The following VPS50 variants were observed in gnomAD, a reference collection of about 807,000 sequenced individuals.
VPS50 encodes VPS50 subunit of EARP/GARPII complex, also known as syndetin.
In VPS50, 70 loss-of-function variants were observed where a neutral mutation model predicts 139.7. The ratio of observed to expected loss-of-function variants is 0.50; its 90% CI spans 0.41 to 0.61. The LOEUF is 0.61. Ranked by LOEUF, VPS50 falls within the 20% of genes least tolerant of loss-of-function variation. VPS50 has a pLI of 0.00. For synonymous variants in VPS50, 365 were observed against 376.7 expected (o/e 0.97, Z 0.36); for missense variants, 921 against 1,133.7 (o/e 0.81, Z 2.69).
At chr7:93,341,926 A>T (rs1193215072) in intron 23 of VPS50, among the ~76,000 whole-genome samples, 1 of 152,178 alleles carries the variant, frequency 6.6e-6, no homozygotes, top group Non-Finnish European at 1.5e-5. Flanking sequence ...ATTTAGTGTT[A>T]AGTATAGTTG....
At chr7:93,261,374 G>A (rs1584399865) in intron 9 of VPS50, among the ~76,000 whole-genome samples, 1 of 152,010 alleles carries the variant, frequency 6.6e-6, no homozygotes, top group African/African-American at 2.4e-5. Flanking sequence ...ATTAAAGTAG[G>A]CACCCATAAA....
chr7:93,258,361 G>C lies in VPS50; in HGVS notation c.545G>C (p.Arg182Thr), dbSNP rs1470719553. 6.2e-7 allele frequency: 1 copy of C among 1,612,914 alleles called. No individual in the cohort carries two copies. The highest frequency in any genetic ancestry group is 8.5e-7 in the Non-Finnish European group (1 of 1,179,218). The change falls in exon 8 of 28, where the codon AGA (arginine) becomes ACA (threonine). Residue 182 changes from arginine (R) to threonine (T), a missense_variant. By Grantham distance (71) the Arg-to-Thr change is moderately conservative. Coordinates refer to ENST00000305866, the MANE Select transcript of VPS50 (RefSeq NM_017667.4). Reference sequence around the variant, plus strand: ...CTTTGATTTTTGTTTTTTCAGCAAAGAACAGATGTACGGTTAAGTGAAATG... The same window carrying C: ...CTTTGATTTTTGTTTTTTCAGCAAACAACAGATGTACGGTTAAGTGAAATG... ...KSLRTIKTLQ[R>T]TDVRLSEMLE... is the part of the protein sequence containing the mutation.
chr7:93,261,416 G>A (rs1011635952), intron 9 of VPS50, among the ~76,000 whole-genome samples: 2 of 152,158 alleles, frequency 1.3e-5, no homozygotes, highest in African/African-American at 4.8e-5. Context: ...GGTGGCTCAC[G>A]CTTGTAATCC....
intron 2 of VPS50, chr7:93,246,164 A>G: frequency 7.6e-7 from 1 of 1,318,766 alleles, no homozygotes; most frequent in Non-Finnish European, 1.1e-6. Context: ...CTATAACAGA[A>G]TAGATTTTTT....
At chr7:93,305,289 A>T (rs1289533994) in intron 17 of VPS50, among the ~76,000 whole-genome samples, 1 of 151,902 alleles carries the variant, frequency 6.6e-6, no homozygotes, top group Non-Finnish European at 1.5e-5. Flanking sequence ...ACATCATATG[A>T]CTTTGGCATA....
intron 21 of VPS50, 38 bp downstream of exon 21, chr7:93,323,770 A>G (rs773314749): frequency 1.7e-6 from 2 of 1,170,804 alleles, no homozygotes; most frequent in East Asian, 3.0e-5. Flanking sequence ...TCTTTCTTTT[A>G]AAATTTATTT....
At chr7:93,267,983 G>A (rs1457769951) in intron 9 of VPS50, among the ~76,000 whole-genome samples, 1 of 152,186 alleles carries the variant, frequency 6.6e-6, no homozygotes, top group Non-Finnish European at 1.5e-5. Context: ...GGAGATTAAT[G>A]TGGTTTTATT....
chr7:93,322,865 C>G (rs1332535401), intron 20 of VPS50, among the ~76,000 whole-genome samples: 1 of 152,060 alleles, frequency 6.6e-6, no homozygotes, highest in Non-Finnish European at 1.5e-5. Context: ...AATACATTAG[C>G]AAGTTTGTAA....
chr7:93,319,177 T>C (rs934368492), intron 20 of VPS50, among the ~76,000 whole-genome samples: 1 of 152,252 alleles, frequency 6.6e-6, no homozygotes, highest in Admixed American at 6.5e-5. Context: ...TCTGAATATA[T>C]AATCAGATAT....
intron 20 of VPS50, among the ~76,000 whole-genome samples, chr7:93,319,323 T>A (rs1250712442): frequency 6.6e-6 from 1 of 152,232 alleles, no homozygotes; most frequent in Non-Finnish European, 1.5e-5. Context: ...GGCCCACTGT[T>A]CGTTCTCTTG....
At chr7:93,279,193 A>G (rs534273353) in intron 12 of VPS50, among the ~76,000 whole-genome samples, 30 of 152,344 alleles carry the variant, frequency 2.0e-4, no homozygotes, top group African/African-American at 7.0e-4. Context: ...CAGTGCTGCT[A>G]CAGGCAGATA....
intron 21 of VPS50, among the ~76,000 whole-genome samples, chr7:93,325,593 C>G (rs1041176851): frequency 6.6e-6 from 1 of 151,960 alleles, no homozygotes; most frequent in Non-Finnish European, 1.5e-5. Context: ...TGAACTCAAA[C>G]AAGTTTGCAA....
chr7:93,287,324 A>G (rs971373795), intron 12 of VPS50, among the ~76,000 whole-genome samples: 2 of 152,034 alleles, frequency 1.3e-5, no homozygotes, highest in African/African-American at 4.8e-5. Context: ...TTAACTTTTT[A>G]TGAAAAAAAG....
intron 16 of VPS50, among the ~76,000 whole-genome samples, chr7:93,302,291 C>CT (rs1174546857): frequency 6.6e-6 from 1 of 150,980 alleles, no homozygotes; most frequent in Non-Finnish European, 1.5e-5. Context: ...ATCCAATTGC[C>CT]TGCATAATAA....
chr7:93,347,615 G>A (rs1798436629), intron 23 of VPS50, among the ~76,000 whole-genome samples: 1 of 143,476 alleles, frequency 7.0e-6, no homozygotes, highest in Non-Finnish European at 1.5e-5. Flanking sequence ...AGAAAATGTG[G>A]CACATATACA....
chr7:93,276,271 A>G lies in VPS50; in HGVS notation c.908A>G (p.Lys303Arg). 1 of 1,613,700 alleles carries G rather than the reference A, an allele frequency of 6.2e-7. No individual in the cohort carries two copies. Among genetic ancestry groups the G allele is most frequent in the Non-Finnish European group, 8.5e-7 (1 of 1,179,724 alleles). Residue 303 changes from lysine (K) to arginine (R), a missense_variant, in exon 12 of 28, where the codon AAA becomes AGA. Transcript: ENST00000305866. ...VELCAGNTDT[K>R]FQKLQYKDLC... is the part of the protein sequence containing the mutation. ...CTATGTGCAGGAAACACAGACACAA[A>G]ATTCCAAAAGCTGCAATATAAGGAT...
In VPS50 at chr7:93,303,464, C is replaced by T. The variant is rs545016356; in HGVS notation, c.1366C>T (p.Arg456Trp). The T allele has an allele frequency of 3.2e-6, 5 of 1,542,970 alleles. No homozygotes were observed. Among genetic ancestry groups the T allele is most frequent in the South Asian group, 2.4e-5 (2 of 84,248 alleles). ...TGTTCATTTTCTTTTTTTAAGAACA[C>T]GGCTCGATGAACTGAGAATGTTCTT... ...VNYFKNYHRT[R>W]LDELRMFLEN... Residue 456 changes from arginine to tryptophan, a missense_variant, in exon 17 of 28, where the codon CGG (arginine) becomes TGG (tryptophan). Physicochemically the swap from Arg to Trp is moderately radical, Grantham distance 101. This residue lies in a region of VPS50 where 744 missense variants were observed against 930.6 expected (regional missense o/e 0.80). Transcript: ENST00000305866.
At chr7:93,320,020 A>G (rs1797554336) in intron 20 of VPS50, among the ~76,000 whole-genome samples, 1 of 151,896 alleles carries the variant, frequency 6.6e-6, no homozygotes, top group Non-Finnish European at 1.5e-5. Flanking sequence ...TTTGGGATCA[A>G]CTTTTCATTT....
intron 17 of VPS50, among the ~76,000 whole-genome samples, chr7:93,304,530 T>G (rs139405853): frequency 0.011 from 1,701 of 151,910 alleles, 45 homozygotes; most frequent in African/African-American, 0.039. Context: ...TAACATAGGA[T>G]TTAAGAATTC....
Sources: gnomAD v4.1 joint callset for allele counts (sites outside exome capture counted in the v4.1 genomes callset) on GRCh38, gnomAD v4.1.1 for gene constraint, gnomAD v4.1.1 regional missense constraint, MANE v1.5 for transcripts, NCBI Gene and HGNC (gene_info 2026-07-23, HGNC 2026-07-21) for gene names.